ADORA2B: variants seen among roughly 807,000 people sequenced by gnomAD.
The protein encoded by ADORA2B is adenosine receptor A2b.
In ADORA2B, 18 loss-of-function variants were observed where a neutral mutation model predicts 20.8. That is an observed-to-expected ratio of 0.87 (90% CI 0.60 to 1.29). The LOEUF is 1.29. Among genes scored for constraint, ADORA2B ranks in the 50% most tolerant of loss-of-function variants. ADORA2B has a pLI of 0.00. For synonymous variants in ADORA2B, 179 were observed against 178.3 expected (o/e 1.00, Z -0.03); for missense variants, 441 against 422.7 (o/e 1.04, Z -0.38).
chr17:15,895,884 A>G, the ADORA2B span, among the ~76,000 whole-genome samples: 1 of 152,184 alleles, frequency 6.6e-6, no homozygotes, highest in Non-Finnish European at 1.5e-5. Context: ...CTGCACTCCC[A>G]TAAACACAGT....
In ADORA2B at chr17:15,974,859, CTT is replaced by C; in HGVS notation, c.518_519del (p.Phe173Ter). 1 of 1,614,136 alleles carries C rather than the reference CTT, an allele frequency of 6.2e-7. No homozygotes were observed. Among genetic ancestry groups the C allele is most frequent in the African/African-American group, 1.3e-5 (1 of 75,040 alleles). ...AAAGCTGCTGCCTTGTGAAGTGTCT[CTT>C]TGAGAATGTGGTCCCCATGAGCTAC... is the stretch of plus-strand genomic sequence containing the variant. ...NESCCLVKCL[F>X]ENVVPMSYMV... On this transcript the variant is annotated frameshift_variant, in exon 2 of 2. Coordinates refer to ENST00000304222, the MANE Select transcript of ADORA2B (RefSeq NM_000676.4). LOFTEE classifies it high-confidence loss of function.
At chr17:15,914,176 G>C in the ADORA2B span, among the ~76,000 whole-genome samples, 36 of 152,232 alleles carry the variant, frequency 2.4e-4, no homozygotes, top group African/African-American at 8.4e-4. Flanking sequence ...ACCACCTATA[G>C]TTGGAAGAAA....
At chr17:15,875,383 A>T in the ADORA2B span, among the ~76,000 whole-genome samples, 1 of 152,116 alleles carries the variant, frequency 6.6e-6, no homozygotes, top group African/African-American at 2.4e-5. Flanking sequence ...AAAGATGAGG[A>T]TTTCTTTTCA....
the ADORA2B span, among the ~76,000 whole-genome samples, chr17:15,923,550 G>A: frequency 4.0e-5 from 6 of 151,188 alleles, no homozygotes; most frequent in Admixed American, 2.0e-4. Context: ...GACTACAGGC[G>A]CCCACCACCA....
At chr17:15,913,995 G>A in the ADORA2B span, among the ~76,000 whole-genome samples, 1 of 152,148 alleles carries the variant, frequency 6.6e-6, no homozygotes, top group Admixed American at 6.5e-5. Flanking sequence ...CAGAGTCTTC[G>A]ATCTTCTCAG....
the ADORA2B span, among the ~76,000 whole-genome samples, chr17:15,889,206 A>G: frequency 7.8e-6 from 1 of 127,986 alleles, no homozygotes; most frequent in Non-Finnish European, 1.6e-5. Flanking sequence ...TATTTTTACA[A>G]ATGTGTAATT....
chr17:15,904,627 C>T, the ADORA2B span, among the ~76,000 whole-genome samples: 168 of 152,266 alleles, frequency 1.1e-3, no homozygotes, highest in Middle Eastern at 6.8e-3. Context: ...CTGCCCACCT[C>T]GGCCTCCCAA....
intron 1 of ADORA2B, among the ~76,000 whole-genome samples, chr17:15,970,541 C>T (rs1014675198): frequency 2.4e-4 from 36 of 152,156 alleles, no homozygotes; most frequent in African/African-American, 8.4e-4. Context: ...CCTGTGAGTA[C>T]TGATTTAGCT....
the ADORA2B span, among the ~76,000 whole-genome samples, chr17:15,905,387 G>A: frequency 2.5e-4 from 38 of 152,092 alleles, no homozygotes; most frequent in Admixed American, 2.1e-3. Context: ...GTTGTTGTTT[G>A]TTTTGTTCTT....
chr17:15,879,738 C>T, the ADORA2B span, among the ~76,000 whole-genome samples: 1 of 150,248 alleles, frequency 6.7e-6, no homozygotes, highest in Non-Finnish European at 1.5e-5. Flanking sequence ...GGGGTTTCAC[C>T]ATGTTAGCCA....
At chr17:15,964,252 T>G (rs1417782038) in intron 1 of ADORA2B, among the ~76,000 whole-genome samples, 1 of 152,204 alleles carries the variant, frequency 6.6e-6, no homozygotes, top group African/African-American at 2.4e-5. Context: ...GTTCCTTAAA[T>G]GTTTGGCAGA....
chr17:15,948,985 A>G (rs1045346298), intron 1 of ADORA2B, among the ~76,000 whole-genome samples: 3 of 151,886 alleles, frequency 2.0e-5, no homozygotes, highest in African/African-American at 7.3e-5. Flanking sequence ...AAGAGGGTGG[A>G]TCACCTGAGG....
chr17:15,895,983 G>A, the ADORA2B span, among the ~76,000 whole-genome samples: 1 of 152,200 alleles, frequency 6.6e-6, no homozygotes, highest in Admixed American at 6.5e-5. Context: ...CCACCTGCCA[G>A]TCCAGGGAGG....
the ADORA2B span, among the ~76,000 whole-genome samples, chr17:15,870,497 C>T: frequency 6.6e-6 from 1 of 151,884 alleles, no homozygotes; most frequent in African/African-American, 2.4e-5. Flanking sequence ...CCTGTAGTCC[C>T]AGCTACTTGG....
the ADORA2B span, among the ~76,000 whole-genome samples, chr17:15,932,630 T>G: frequency 1.3e-5 from 2 of 152,182 alleles, no homozygotes; most frequent in African/African-American, 4.8e-5. Flanking sequence ...GTATATGACT[T>G]GAGGTAGTAG....
intron 1 of ADORA2B, among the ~76,000 whole-genome samples, chr17:15,950,363 C>A (rs1476496064): frequency 1.3e-5 from 2 of 152,152 alleles, no homozygotes; most frequent in Non-Finnish European, 2.9e-5. Context: ...GTTTGTGGGG[C>A]TTTGTCAGAG....
At chr17:15,973,382 ATCTGAG>A (rs1233646405) in intron 1 of ADORA2B, among the ~76,000 whole-genome samples, 1 of 152,180 alleles carries the variant, frequency 6.6e-6, no homozygotes, top group Non-Finnish European at 1.5e-5. Flanking sequence ...CCCCTGCTAG[ATCTGAG>A]TCTGTTAAAA....
In ADORA2B at chr17:15,975,367, G is replaced by A. The variant is rs898452175; in HGVS notation, c.*25G>A. On this transcript the variant is annotated 3_prime_UTR_variant, in exon 2 of 2. Coordinates refer to ENST00000304222, the MANE Select transcript of ADORA2B (RefSeq NM_000676.4). ...ATCTAGGCTCTCGCCTCTTCCAGGAGAAGATACAAATCCACAAGAAACAAA... is the reference window on the plus strand; with the variant it reads ...ATCTAGGCTCTCGCCTCTTCCAGGAAAAGATACAAATCCACAAGAAACAAA... 2.5e-6 allele frequency: 4 copies of A among 1,591,362 alleles called. No homozygotes were observed. In the African/African-American group the frequency reaches 5.4e-5, roughly 21 times the overall value.
At chr17:15,911,737 G>C in the ADORA2B span, among the ~76,000 whole-genome samples, 3 of 152,290 alleles carry the variant, frequency 2.0e-5, no homozygotes, top group East Asian at 5.8e-4. Flanking sequence ...AGACATGCAC[G>C]TAGAAGAGAA....
Sources: gnomAD v4.1 joint callset for allele counts (sites outside exome capture counted in the v4.1 genomes callset) on GRCh38, gnomAD v4.1.1 for gene constraint, MANE v1.5 for transcripts, NCBI Gene and HGNC (gene_info 2026-07-23, HGNC 2026-07-21) for gene names.